Variants in CREB3L2 observed in about 807,000 individuals in gnomAD.
The protein encoded by CREB3L2 is cAMP responsive element binding protein 3 like 2.
A neutral mutation model predicts 57.2 loss-of-function variants in CREB3L2; 23 were observed. That is an observed-to-expected ratio of 0.40 (90% CI 0.29 to 0.57). The LOEUF is 0.57. Among genes scored for constraint, CREB3L2 ranks in the 20% least tolerant of loss-of-function variants. CREB3L2 has a pLI of 0.42. For missense variants in CREB3L2, 628 were observed against 634.7 expected, an observed-to-expected ratio of 0.99 and a Z score of 0.11; for synonymous variants, 268 against 265.1, an observed-to-expected ratio of 1.01 and a Z score of -0.11.
chr7:137,899,928 T>G (rs1483734324), intron 8 of CREB3L2, among the ~76,000 whole-genome samples: 1 of 152,216 alleles, frequency 6.6e-6, no homozygotes, highest in Non-Finnish European at 1.5e-5. Context: ...CCCTTAATAT[T>G]TGCACAATTG....
At chr7:137,927,393 A>AG (rs1800494804) in intron 2 of CREB3L2, among the ~76,000 whole-genome samples, 1 of 133,818 alleles carries the variant, frequency 7.5e-6, no homozygotes, top group African/African-American at 2.9e-5. Flanking sequence ...AAGGGAGGGA[A>AG]GGAGGGAAGG....
At chr7:137,928,446 C>T in intron 1 of CREB3L2, 80 bp from the exon 2 acceptor site, 1 of 1,088,546 alleles carries the variant, frequency 9.2e-7, no homozygotes, top group Non-Finnish European at 1.4e-6. Flanking sequence ...CCAAATACCT[C>T]ATCCACTGCT....
chr7:137,885,223 C>T, intron 9 of CREB3L2, 102 bp from the exon 10 acceptor site: 2 of 1,381,352 alleles, frequency 1.4e-6, no homozygotes, highest in South Asian at 1.3e-5. Context: ...CCTCTTCAGG[C>T]CAGTGGACTG....
rs1799952017 is a variant in CREB3L2, at chr7:137,909,009, A to G, written c.584-573T>C. Among the ~76,000 whole-genome samples the G allele has an allele frequency of 2.0e-5, 3 of 152,268 alleles. 1 individual carries two copies. In the South Asian group the frequency reaches 6.2e-4, roughly 32 times the overall value. On this transcript the variant is annotated intron_variant, in intron 4 of 11. Transcript: ENST00000330387. ...CAGCTACTTGGGAGGCTGAGGCAGG[A>G]GAATTGCTTGAACCCAGGAGTTAGG... is the stretch of plus-strand genomic sequence containing the variant.
intron 1 of CREB3L2, among the ~76,000 whole-genome samples, chr7:137,977,479 A>G (rs1347889495): frequency 6.6e-6 from 1 of 152,264 alleles, no homozygotes; most frequent in African/African-American, 2.4e-5. Flanking sequence ...ATCTTGGTAT[A>G]ACCCACTGGG....
At chr7:137,987,197 G>A (rs1465246052) in intron 1 of CREB3L2, among the ~76,000 whole-genome samples, 3 of 152,202 alleles carry the variant, frequency 2.0e-5, no homozygotes, top group African/African-American at 7.2e-5. Flanking sequence ...AAAGATCGGA[G>A]TCAGGTTCTT....
chr7:137,894,786 T>G (rs1799591865), intron 8 of CREB3L2, among the ~76,000 whole-genome samples: 1 of 150,634 alleles, frequency 6.6e-6, no homozygotes, highest in African/African-American at 2.5e-5. Context: ...CAAGGGCCCT[T>G]GTGTCCAAGT....
At chr7:137,943,632 G>T (rs1800913792) in intron 1 of CREB3L2, among the ~76,000 whole-genome samples, 1 of 152,090 alleles carries the variant, frequency 6.6e-6, no homozygotes, top group Non-Finnish European at 1.5e-5. Flanking sequence ...TTTCTAGGAA[G>T]CCTAGAAAAA....
intron 8 of CREB3L2, among the ~76,000 whole-genome samples, chr7:137,896,635 A>G (rs115863257): frequency 6.0e-4 from 91 of 152,252 alleles, no homozygotes; most frequent in African/African-American, 2.1e-3. Flanking sequence ...CCCCGCTACA[A>G]TTATCTGTGG....
Position 137,915,964 on chromosome 7 carries a change from G to A in CREB3L2, c.368C>T (p.Thr123Ile). 8.7e-6 allele frequency: 14 copies of A among 1,613,946 alleles called. No homozygotes were observed. Among genetic ancestry groups the A allele is most frequent in the Non-Finnish European group, 1.2e-5 (14 of 1,179,908 alleles). The change falls in exon 3 of 12, where the codon ACA (threonine) becomes ATA (isoleucine). Residue 123 changes from threonine to isoleucine, a missense_variant. Physicochemically the swap from Thr to Ile is moderately conservative, Grantham distance 89. Coordinates refer to ENST00000330387, the MANE Select transcript of CREB3L2 (RefSeq NM_194071.4). ...TGTAACTGGCTCTGTCTTGATGGAT[G>A]TTGAAGGGAAGTCTGTAGACAGGTA... is the stretch of plus-strand genomic sequence containing the variant. Reference protein sequence around the residue: ...KWYLSTDFPSTSIKTEPVTDE... With the variant: ...KWYLSTDFPSISIKTEPVTDE...
chr7:137,985,251 G>A (rs1245472431), intron 1 of CREB3L2, among the ~76,000 whole-genome samples: 5 of 152,192 alleles, frequency 3.3e-5, no homozygotes. Context: ...GCACAGGAGA[G>A]CAACTTAGAA....
At chr7:137,963,755 T>A (rs1237307454) in intron 1 of CREB3L2, among the ~76,000 whole-genome samples, 2 of 152,242 alleles carry the variant, frequency 1.3e-5, no homozygotes, top group Non-Finnish European at 2.9e-5. Context: ...GGGATAATTA[T>A]GTCCAGGGAT....
intron 8 of CREB3L2, among the ~76,000 whole-genome samples, chr7:137,897,861 C>A (rs1799659568): frequency 6.6e-6 from 1 of 151,968 alleles, no homozygotes; most frequent in Non-Finnish European, 1.5e-5. Context: ...TTACAAGGAG[C>A]ACATATTATG....
At position 138,001,479 on chromosome 7, in the gene CREB3L2, C is replaced by T; in HGVS notation, c.102+125G>A. The stretch of plus-strand genomic sequence containing the variant: ...CATTAAAGTACACCTCGCCCAGGAC[C>T]TCTTGATTCTGACCATGCCCTGCCC... On this transcript the variant is annotated intron_variant, in intron 1 of 11. Coordinates refer to ENST00000330387, the MANE Select transcript of CREB3L2 (RefSeq NM_194071.4). This position sits in a 1 kb window ranked among gnomAD's most constrained non-coding sequence, Gnocchi z 4.2. The T allele has an allele frequency of 1.5e-6, 1 of 649,356 alleles. No individual in the cohort carries two copies. Among genetic ancestry groups the T allele is most frequent in the South Asian group, 1.9e-5 (1 of 51,684 alleles). 40.2% of individuals were successfully genotyped at this position (649,356 alleles called of 1,614,324 possible). A position where few individuals can be genotyped will look rare whatever the true frequency, so the allele number is the denominator to read the frequency against.
At chr7:137,969,094 G>A (rs1296454612) in intron 1 of CREB3L2, among the ~76,000 whole-genome samples, 1 of 152,156 alleles carries the variant, frequency 6.6e-6, no homozygotes, top group Admixed American at 6.5e-5. Context: ...GCTCAAATCT[G>A]GAACTCCAGC....
intron 1 of CREB3L2, among the ~76,000 whole-genome samples, chr7:137,931,107 C>T (rs1461984193): frequency 2.0e-5 from 3 of 151,828 alleles, no homozygotes; most frequent in Admixed American, 2.0e-4. Context: ...TGGTGCACGC[C>T]TGTAGTCCTA....
Position 137,928,343 on chromosome 7 carries a change from C to T in CREB3L2, c.126G>A (p.Glu42=), listed in dbSNP as rs985852017. Residue 42 remains glutamate, a synonymous_variant, in exon 2 of 12, where the codon GAG becomes GAA. Transcript: ENST00000330387. The stretch of plus-strand genomic sequence containing the variant: ...GCTGACCCAAGACGTTCTGGGAAAA[C>T]TCATCCAGAAGTTCTGAGAAGTGCT... ...YHTHFSELLD[E]FSQNVLGQLL... The T allele has an allele frequency of 6.2e-7, 1 of 1,614,056 alleles. No homozygotes were observed. Among genetic ancestry groups the T allele is most frequent in the African/African-American group, 1.3e-5 (1 of 75,060 alleles).
intron 1 of CREB3L2, among the ~76,000 whole-genome samples, chr7:137,991,216 T>G (rs1263237749): frequency 8.6e-5 from 13 of 151,340 alleles, no homozygotes; most frequent in Non-Finnish European, 1.8e-4. Flanking sequence ...CAGGCTGGAG[T>G]GCAGTGGCAT....
rs372794505 is a variant in CREB3L2, at chr7:137,908,306, A to G, written c.714T>C (p.Ala238=). 6.4e-5 allele frequency: 80 copies of G among 1,257,168 alleles called. No homozygotes were observed. Among genetic ancestry groups the G allele is most frequent in the Non-Finnish European group, 7.9e-5 (78 of 991,874 alleles). The allele number at this position is 1,257,168 out of a possible 1,614,324, so 77.9% of individuals were successfully genotyped here. ...SLPQTHSPSR[A]APRAPSALSS... is the part of the protein sequence containing the mutation. ...AGAGGGCGGAGGGGGCCCGGGGTGC[A>G]GCTCTGGAGGGGCTGTGGGTCTGAG... Residue 238 remains alanine, a synonymous_variant, in exon 5 of 12, where the codon GCT becomes GCC. Transcript: ENST00000330387.
Sources: gnomAD v4.1 joint callset for allele counts (sites outside exome capture counted in the v4.1 genomes callset) on GRCh38, gnomAD v4.1.1 for gene constraint, Gnocchi (gnomAD v3.1) non-coding constraint, MANE v1.5 for transcripts, NCBI Gene and HGNC (gene_info 2026-07-23, HGNC 2026-07-21) for gene names.